Variants in PIK3C3 observed in about 807,000 individuals in gnomAD.
The protein encoded by PIK3C3 is phosphatidylinositol 3-kinase catalytic subunit type 3.
A neutral mutation model predicts 126.1 loss-of-function variants in PIK3C3; 95 were observed. The ratio of observed to expected loss-of-function variants is 0.75; its 90% CI spans 0.64 to 0.89. PIK3C3 has a LOEUF of 0.89. PIK3C3 is among the 40% of genes least tolerant of loss of function. The pLI, the probability that PIK3C3 is intolerant of heterozygous loss-of-function variation, is 0.00. For missense variants in PIK3C3, 829 were observed against 1,063.2 expected (o/e 0.78, Z 3.06); for synonymous variants, 374 against 360.0 (o/e 1.04, Z -0.44).
At chr18:42,046,311 TG>T (rs1237248318) in intron 20 of PIK3C3, among the ~76,000 whole-genome samples, 105 of 152,294 alleles carry the variant, frequency 6.9e-4, no homozygotes, top group African/African-American at 2.5e-3. Context: ...AATGTTTTAA[TG>T]TTTTTGCAGG....
At chr18:41,957,868 G>A (rs1306002859) in intron 2 of PIK3C3, 110 bp downstream of exon 2, 1 of 729,584 alleles carries the variant, frequency 1.4e-6, no homozygotes, top group African/African-American at 1.8e-5. Context: ...ATACCTATAG[G>A]CATTGATCAA....
intron 10 of PIK3C3, among the ~76,000 whole-genome samples, chr18:42,012,302 A>C (rs565036958): frequency 6.6e-6 from 1 of 152,284 alleles, no homozygotes; most frequent in East Asian, 1.9e-4. Context: ...TTTACAAAAT[A>C]GTGGAAAAAC....
intron 12 of PIK3C3, among the ~76,000 whole-genome samples, chr18:42,019,973 A>G (rs1345569811): frequency 6.6e-6 from 1 of 151,894 alleles, no homozygotes; most frequent in Non-Finnish European, 1.5e-5. Flanking sequence ...TATTTCTTAT[A>G]TTTGTCTCCT....
chr18:41,957,884 T>C, intron 2 of PIK3C3, 126 bp downstream of exon 2: 2 of 631,446 alleles, frequency 3.2e-6, no homozygotes, highest in Non-Finnish European at 5.3e-6. Flanking sequence ...ATCAAATCAT[T>C]TGAAGTAGAA....
intron 4 of PIK3C3, among the ~76,000 whole-genome samples, chr18:41,978,122 A>G (rs1981023845): frequency 6.6e-6 from 1 of 151,976 alleles, no homozygotes; most frequent in African/African-American, 2.4e-5. Flanking sequence ...CCATGTTTGA[A>G]TAGTTTCTTT....
chr18:42,005,772 C>T (rs1982515277), intron 10 of PIK3C3, among the ~76,000 whole-genome samples: 1 of 145,166 alleles, frequency 6.9e-6, no homozygotes, highest in Non-Finnish European at 1.5e-5. Flanking sequence ...TAAAGTTGAT[C>T]ATTGTATGTG....
intron 4 of PIK3C3, among the ~76,000 whole-genome samples, chr18:41,972,939 G>A (rs1201198448): frequency 6.6e-6 from 1 of 152,050 alleles, no homozygotes; most frequent in African/African-American, 2.4e-5. Context: ...TGGGCACTTG[G>A]AAATGCATTA....
chr18:42,000,198 C>T (rs1334834299), intron 9 of PIK3C3, among the ~76,000 whole-genome samples: 1 of 152,012 alleles, frequency 6.6e-6, no homozygotes, highest in South Asian at 2.1e-4. Flanking sequence ...GGATTGCAGG[C>T]GTGCACCACC....
intron 4 of PIK3C3, among the ~76,000 whole-genome samples, chr18:41,982,207 G>T (rs1038226315): frequency 6.6e-6 from 1 of 152,162 alleles, no homozygotes; most frequent in Non-Finnish European, 1.5e-5. Context: ...ACCTGAGGGA[G>T]TTTAGAGGAA....
chr18:41,983,701 ATTC>A (rs1263746934), intron 4 of PIK3C3, among the ~76,000 whole-genome samples: 2 of 152,082 alleles, frequency 1.3e-5, no homozygotes, highest in African/African-American at 2.4e-5. Context: ...TGCTGGTCTT[ATTC>A]TTACACAGTG....
At chr18:41,999,527 C>T (rs1485106224) in intron 9 of PIK3C3, among the ~76,000 whole-genome samples, 1 of 151,942 alleles carries the variant, frequency 6.6e-6, no homozygotes, top group African/African-American at 2.4e-5. Flanking sequence ...TGATGGTGAC[C>T]CATGGGATAA....
chr18:41,958,749 A>T (rs941943947), intron 2 of PIK3C3, among the ~76,000 whole-genome samples: 1 of 152,018 alleles, frequency 6.6e-6, no homozygotes, highest in African/African-American at 2.4e-5. Context: ...GTGTATGTAG[A>T]TATACACACA....
chr18:41,983,515 T>G (rs4890221), intron 4 of PIK3C3, among the ~76,000 whole-genome samples: 34,044 of 152,100 alleles, frequency 0.22, 4,296 homozygotes, highest in South Asian at 0.4. Flanking sequence ...TAAGTATAAA[T>G]AGACATTGAA....
intron 3 of PIK3C3, among the ~76,000 whole-genome samples, chr18:41,966,471 A>G (rs180855398): frequency 3.5e-3 from 530 of 152,094 alleles, no homozygotes; most frequent in African/African-American, 0.012. Flanking sequence ...TGCCTGGCCT[A>G]TTGTTCTTTA....
intron 13 of PIK3C3, among the ~76,000 whole-genome samples, chr18:42,021,086 A>G (rs1405131569): frequency 6.6e-6 from 1 of 152,166 alleles, no homozygotes; most frequent in Non-Finnish European, 1.5e-5. Flanking sequence ...TTGGAATTAA[A>G]AGTTACCTTA....
rs573989253 is a variant in PIK3C3, at chr18:42,078,233, C to T, written c.2650-2890C>T. 2.4e-3 allele frequency among the ~76,000 whole-genome samples: 365 copies of T among 151,140 alleles called. 4 individuals carry two copies. The highest frequency in any genetic ancestry group is 8.3e-3 in the African/African-American group (342 of 41,222). ...TCTACTAAAAATACAAAAAATTAGC[C>T]GGGTGCGGTGGCGGGCGCCTGTAGT... On this transcript the variant is annotated intron_variant, in intron 24 of 24. Coordinates refer to ENST00000262039, the MANE Select transcript of PIK3C3 (RefSeq NM_002647.4).
Position 42,038,792 on chromosome 18 carries a change from A to G in PIK3C3, c.1980A>G (p.Lys660=). The change falls in exon 18 of 25, where the codon AAA becomes AAG. Residue 660 remains lysine (K), a synonymous_variant. Coordinates refer to ENST00000262039, the MANE Select transcript of PIK3C3 (RefSeq NM_002647.4). ...CTTTTGATTAAAAGCTGTTACGGAA[A>G]GAAAATCTGGACTTGAAATTGACAC... ...IISLMDKLLR[K]ENLDLKLTPY... is the part of the protein sequence containing the mutation. 4.4e-6 allele frequency: 7 copies of G among 1,605,342 alleles called. No individual in the cohort carries two copies. The highest frequency in any genetic ancestry group is 1.7e-5 in the Admixed American group (1 of 59,860).
At chr18:42,045,148 T>C (rs1984504780) in intron 20 of PIK3C3, among the ~76,000 whole-genome samples, 1 of 152,252 alleles carries the variant, frequency 6.6e-6, no homozygotes. Context: ...TAGAGTCCTT[T>C]ATAGTTTTAA....
intron 5 of PIK3C3, among the ~76,000 whole-genome samples, chr18:41,989,502 G>A (rs779197147): frequency 7.9e-5 from 12 of 152,054 alleles, no homozygotes; most frequent in Non-Finnish European, 1.6e-4. Context: ...TCAGTCAACT[G>A]CAGATCACAT....
Sources: allele counts gnomAD v4.1 joint callset (sites outside exome capture counted in the v4.1 genomes callset), GRCh38; gene constraint gnomAD v4.1.1; transcripts MANE v1.5; gene names NCBI Gene and HGNC (gene_info 2026-07-23, HGNC 2026-07-21).